HCN1: variants seen among roughly 807,000 people sequenced by gnomAD.
The protein encoded by HCN1 is hyperpolarization activated cyclic nucleotide gated potassium channel 1.
A neutral mutation model predicts 78.9 loss-of-function variants in HCN1; 13 were observed. The observed-to-expected ratio is 0.16, with a 90% CI of 0.11 to 0.26. The LOEUF (loss-of-function observed/expected upper bound fraction) is 0.26, where lower values mean the gene tolerates loss of function less well. Ranked by LOEUF, HCN1 falls within the 10% of genes least tolerant of loss-of-function variation. The pLI, the probability that HCN1 is intolerant of heterozygous loss-of-function variation, is 1.00. For missense variants in HCN1, 810 were observed against 1,154.3 expected (o/e 0.70, Z 4.32); for synonymous variants, 552 against 455.5 (o/e 1.21, Z -2.70).
intron 1 of HCN1, among the ~76,000 whole-genome samples, chr5:45,681,656 G>A (rs534310368): frequency 1.3e-5 from 2 of 152,022 alleles, no homozygotes; most frequent in Non-Finnish European, 2.9e-5. Flanking sequence ...GGAACATAAT[G>A]TTACCTTTCC....
intron 4 of HCN1, among the ~76,000 whole-genome samples, chr5:45,374,290 T>TAA (rs71000631): frequency 0.26 from 33,180 of 128,516 alleles, 6,401 homozygotes; most frequent in African/African-American, 0.53. Flanking sequence ...ATTATATACA[T>TAA]TATATATATT....
intron 3 of HCN1, among the ~76,000 whole-genome samples, chr5:45,441,071 T>C (rs2112086234): frequency 6.6e-6 from 1 of 152,326 alleles, no homozygotes; most frequent in Admixed American, 6.5e-5. Flanking sequence ...AGTTTTCTGA[T>C]TAAATGTCAT....
At chr5:45,350,983 T>G (rs1438782799) in intron 5 of HCN1, among the ~76,000 whole-genome samples, 3 of 152,094 alleles carry the variant, frequency 2.0e-5, no homozygotes, top group Non-Finnish European at 2.9e-5. Flanking sequence ...GCCATCCCCA[T>G]CAAGCTACCA....
chr5:45,502,242 C>T (rs913768019), intron 2 of HCN1, among the ~76,000 whole-genome samples: 17 of 151,154 alleles, frequency 1.1e-4, no homozygotes, highest in Non-Finnish European at 2.1e-4. Flanking sequence ...CCGAGGCGGG[C>T]GGATCATCTG....
intron 2 of HCN1, among the ~76,000 whole-genome samples, chr5:45,548,271 A>C (rs1012079885): frequency 6.6e-6 from 1 of 151,952 alleles, no homozygotes; most frequent in Non-Finnish European, 1.5e-5. Flanking sequence ...GACTACAATC[A>C]ATGCCCTAAA....
intron 1 of HCN1, among the ~76,000 whole-genome samples, chr5:45,683,947 A>C (rs978907078): frequency 3.3e-5 from 5 of 152,002 alleles, no homozygotes; most frequent in East Asian, 3.9e-4. Flanking sequence ...CTAGGATTAC[A>C]GGCATGAGCC....
chr5:45,372,204 A>T (rs1488723900), intron 4 of HCN1, among the ~76,000 whole-genome samples: 3 of 64,484 alleles, frequency 4.7e-5, no homozygotes, highest in Admixed American at 2.9e-4. Context: ...AATATAATAC[A>T]TATTATATAA....
intron 5 of HCN1, among the ~76,000 whole-genome samples, chr5:45,338,248 T>C (rs1421064327): frequency 6.6e-6 from 1 of 152,172 alleles, no homozygotes. Context: ...TGTGAGACAA[T>C]GAAGGTATGA....
intron 2 of HCN1, among the ~76,000 whole-genome samples, chr5:45,552,621 C>T (rs947321089): frequency 6.6e-6 from 1 of 151,794 alleles, no homozygotes; most frequent in African/African-American, 2.4e-5. Context: ...TCTGAAAGAG[C>T]TTTTTGCTTT....
intron 1 of HCN1, among the ~76,000 whole-genome samples, chr5:45,683,310 T>C (rs1195122705): frequency 6.6e-6 from 1 of 152,128 alleles, no homozygotes; most frequent in East Asian, 1.9e-4. Context: ...CTTTTATAGA[T>C]TCCAATCATT....
chr5:45,463,863 T>C (rs1342340972), intron 2 of HCN1, among the ~76,000 whole-genome samples: 1 of 152,016 alleles, frequency 6.6e-6, no homozygotes, highest in Non-Finnish European at 1.5e-5. Context: ...TGTTGGGAAA[T>C]AGTGTTAAAT....
chr5:45,495,664 T>A (rs1159022936), intron 2 of HCN1, among the ~76,000 whole-genome samples: 1 of 152,182 alleles, frequency 6.6e-6, no homozygotes, highest in Admixed American at 6.5e-5. Context: ...AGAGAGGTCA[T>A]CCCTGTCTTG....
intron 5 of HCN1, among the ~76,000 whole-genome samples, chr5:45,317,515 A>G (rs938802177): frequency 2.0e-5 from 3 of 152,220 alleles, no homozygotes; most frequent in Non-Finnish European, 2.9e-5. Flanking sequence ...CAAGGACTTC[A>G]TGACTAAAAC....
At position 45,312,973 on chromosome 5, in the gene HCN1, C is replaced by T. The variant is rs546006574; in HGVS notation, c.1378-9134G>A. 4.3e-3 allele frequency among the ~76,000 whole-genome samples: 649 copies of T among 152,266 alleles called. 3 individuals carry two copies. The highest frequency in any genetic ancestry group is 6.1e-3 in the Non-Finnish European group (412 of 68,014). On this transcript the variant is annotated intron_variant, in intron 5 of 7. Coordinates refer to ENST00000303230, the MANE Select transcript of HCN1 (RefSeq NM_021072.4). ...TAGCTGAACAAAAGGCAGCAGAAAC[C>T]TCTGCAGACTTAAATGTCCCTGTCT... is the stretch of plus-strand genomic sequence containing the variant.
rs577427794 is a variant in HCN1, at chr5:45,368,014, T to C, written c.1231-14768A>G. Among the ~76,000 whole-genome samples the C allele has an allele frequency of 5.9e-5, 9 of 152,064 alleles. No homozygotes were observed. The Middle Eastern group carries it at 0.01, about 172-fold the overall frequency. ...CCAATAGGTTACTGGATCTTGACTG[T>C]AGATGAGGTGAGAAGAGAGCAAAAC... is the stretch of plus-strand genomic sequence containing the variant. On this transcript the variant is annotated intron_variant, in intron 4 of 7. Transcript: ENST00000303230.
At chr5:45,393,459 T>A (rs1739625012) in intron 4 of HCN1, among the ~76,000 whole-genome samples, 1 of 152,154 alleles carries the variant, frequency 6.6e-6, no homozygotes, top group African/African-American at 2.4e-5. Flanking sequence ...AGTGCAATTA[T>A]ATCTAGAAAA....
intron 6 of HCN1, among the ~76,000 whole-genome samples, chr5:45,282,072 C>T (rs1406731883): frequency 1.3e-5 from 2 of 152,154 alleles, no homozygotes; most frequent in Non-Finnish European, 2.9e-5. Context: ...CCAATACTGT[C>T]ACATAGGACT....
chr5:45,570,674 C>T (rs1743810042), intron 2 of HCN1, among the ~76,000 whole-genome samples: 1 of 152,060 alleles, frequency 6.6e-6, no homozygotes, highest in Admixed American at 6.6e-5. Context: ...AGTCTAAAAA[C>T]AAAATCTAAA....
chr5:45,421,790 G>T (rs943640998), intron 3 of HCN1, among the ~76,000 whole-genome samples: 11 of 152,266 alleles, frequency 7.2e-5, no homozygotes, highest in African/African-American at 2.4e-4. Flanking sequence ...GTCCAAAAGT[G>T]TCAGTATGGT....
Sources: gnomAD v4.1 joint callset for allele counts (sites outside exome capture counted in the v4.1 genomes callset) on GRCh38, gnomAD v4.1.1 for gene constraint, MANE v1.5 for transcripts, NCBI Gene and HGNC (gene_info 2026-07-23, HGNC 2026-07-21) for gene names.